LY75: variants seen among roughly 807,000 people sequenced by gnomAD.
LY75 encodes lymphocyte antigen 75, also known as C-type lectin domain family 13 member B.
A neutral mutation model predicts 231.7 loss-of-function variants in LY75; 185 were observed. The observed-to-expected ratio is 0.80, with a 90% CI of 0.71 to 0.90. The LOEUF (loss-of-function observed/expected upper bound fraction) is 0.90, where lower values mean the gene tolerates loss of function less well. Among genes scored for constraint, LY75 ranks in the 40% least tolerant of loss-of-function variants. The pLI is 0.00. For synonymous variants in LY75, 668 were observed against 689.0 expected, an observed-to-expected ratio of 0.97 and a Z score of 0.48; for missense variants, 1,947 against 2,050.2, an observed-to-expected ratio of 0.95 and a Z score of 0.97.
rs749204594 is a variant in LY75 at position 159,850,096 on chromosome 2, T to G, written c.3034A>C (p.Ile1012Leu). The change falls in exon 23 of 35, where the codon ATT becomes CTT. Residue 1012 changes from isoleucine (I) to leucine (L), a missense_variant. Physicochemically the swap from Ile to Leu is conservative, Grantham distance 5 (BLOSUM62 2). Coordinates refer to ENST00000263636, the MANE Select transcript of LY75 (RefSeq NM_002349.4). ...LLPDMEATLW[I>L]GLRWTAYEKI... ...TCATAGGCAGTCCAGCGCAAACCAA[T>G]CCATAAAGTAGCTTCCATATCCGGA... 1 of 1,613,602 alleles carries G rather than the reference T, an allele frequency of 6.2e-7. No homozygotes were observed. The highest frequency in any genetic ancestry group is 1.7e-5 in the Admixed American group (1 of 59,910).
In LY75 at chr2:159,840,854, T is replaced by C. The variant is rs753577948; in HGVS notation, c.3382A>G (p.Lys1128Glu). ...IPKTLTWHSA[K>E]RECLKSNMQL... is the part of the protein sequence containing the mutation. ...ATGTTACTTTTCAGACACTCCCTTT[T>C]AGCACTGTGCCAAGTCAGAGTCTTT... The change falls in exon 25 of 35, where the codon AAA (lysine) becomes GAA (glutamate). Residue 1128 changes from lysine (K) to glutamate (E), a missense_variant. Lys to Glu is a moderately conservative substitution (Grantham distance 56, BLOSUM62 1). Coordinates refer to ENST00000263636, the MANE Select transcript of LY75 (RefSeq NM_002349.4). 6.2e-6 allele frequency: 10 copies of C among 1,613,986 alleles called. No homozygotes were observed. The highest frequency in any genetic ancestry group is 8.5e-6 in the Non-Finnish European group (10 of 1,179,978).
chr2:159,850,794 A>ATATATATATATATATATATATG (rs1560081043), intron 21 of LY75, among the ~76,000 whole-genome samples: 4 of 131,520 alleles, frequency 3.0e-5, no homozygotes, highest in African/African-American at 1.2e-4. Flanking sequence ...ATATATATAT[A>ATATATATATATATATATATATG]TATATTATAT....
At chr2:159,853,502 G>C in intron 19 of LY75, 128 bp downstream of exon 19, 1 of 1,489,148 alleles carries the variant, frequency 6.7e-7, no homozygotes, top group East Asian at 2.4e-5. Context: ...AAAAGGGCTT[G>C]GTTTCTCTAA....
intron 2 of LY75, among the ~76,000 whole-genome samples, chr2:159,897,948 C>T (rs1685949136): frequency 6.6e-6 from 1 of 152,138 alleles, no homozygotes; most frequent in Non-Finnish European, 1.5e-5. Flanking sequence ...TCGGAAGCAA[C>T]TGAAAAACTC....
intron 8 of LY75, among the ~76,000 whole-genome samples, chr2:159,880,483 C>T (rs894275820): frequency 6.6e-6 from 1 of 152,144 alleles, no homozygotes; most frequent in South Asian, 2.1e-4. Flanking sequence ...AAGGTGGGTG[C>T]AGGCCCTGGT....
intron 29 of LY75, 84 bp downstream of exon 29, chr2:159,819,642 A>G: frequency 6.8e-7 from 1 of 1,468,986 alleles, no homozygotes; most frequent in Non-Finnish European, 9.1e-7. Context: ...GAAGCATTTG[A>G]TTGTATGATT....
At chr2:159,846,364 A>C (rs1333144031) in intron 23 of LY75, among the ~76,000 whole-genome samples, 1 of 152,086 alleles carries the variant, frequency 6.6e-6, no homozygotes, top group Non-Finnish European at 1.5e-5. Flanking sequence ...GTCTCTACAA[A>C]AAAATTAGAA....
At position 159,816,757 on chromosome 2, in the gene LY75, C is replaced by T. The variant is rs747270090; in HGVS notation, c.4380+49G>A. 8.7e-6 allele frequency: 14 copies of T among 1,601,482 alleles called. No homozygotes were observed. The East Asian group carries it at 1.8e-4, about 21-fold the overall frequency. On this transcript the variant is annotated intron_variant, in intron 30 of 34. Coordinates refer to ENST00000263636, the MANE Select transcript of LY75 (RefSeq NM_002349.4). ...ATACTTTACGCTCAAATTTCTAACC[C>T]TCAAAATAACACATTTGAAAAGTTT...
intron 21 of LY75, 126 bp downstream of exon 21, chr2:159,852,075 T>G: frequency 7.4e-7 from 1 of 1,351,360 alleles, no homozygotes; most frequent in Non-Finnish European, 9.8e-7. Flanking sequence ...GAGGGCCAGG[T>G]GGGATCCTGA....
In LY75 at chr2:159,875,514, G is replaced by C. The variant is rs1442728551; in HGVS notation, c.1904C>G (p.Ala635Gly). The change falls in exon 12 of 35, where the codon GCA becomes GGA. Residue 635 changes from alanine to glycine, a missense_variant. Coordinates refer to ENST00000263636, the MANE Select transcript of LY75 (RefSeq NM_002349.4). ...KMSGPLGPEEASPKPDDPCPE... is the reference protein window; with the variant it reads ...KMSGPLGPEEGSPKPDDPCPE... ...ACAGGGGTCATCAGGCTTAGGGGAT[G>C]CTTCTTCAGGCCCAAGGGGTCCACT... 6.2e-7 allele frequency: 1 copy of C among 1,613,938 alleles called. No homozygotes were observed. Among genetic ancestry groups the C allele is most frequent in the African/African-American group, 1.3e-5 (1 of 74,880 alleles).
intron 23 of LY75, among the ~76,000 whole-genome samples, chr2:159,848,950 A>T (rs1308166189): frequency 3.3e-5 from 5 of 152,176 alleles, no homozygotes; most frequent in African/African-American, 1.2e-4. Context: ...CTTTTGTTTC[A>T]ATTAATATTA....
At chr2:159,866,198 C>G (rs1228421560) in intron 13 of LY75, among the ~76,000 whole-genome samples, 1 of 151,960 alleles carries the variant, frequency 6.6e-6, no homozygotes, top group South Asian at 2.1e-4. Context: ...GAACATATAG[C>G]TACAAGTCTA....
chr2:159,885,358 G>T (rs868523015), intron 5 of LY75, 65 bp from the exon 6 acceptor site: 1 of 1,541,346 alleles, frequency 6.5e-7, no homozygotes, highest in African/African-American at 1.4e-5. Context: ...GTGTCAGAAA[G>T]AATAATTTGT....
At chr2:159,882,091 A>G in intron 7 of LY75, 33 bp downstream of exon 7, 1 of 1,591,338 alleles carries the variant, frequency 6.3e-7, no homozygotes, top group Middle Eastern at 1.7e-4. Flanking sequence ...AAATGGCTTA[A>G]GCCTCTCAAA....
At chr2:159,860,711 C>G (rs1441491386) in intron 15 of LY75, 110 bp downstream of exon 15, 5 of 1,298,810 alleles carry the variant, frequency 3.8e-6, no homozygotes, top group Non-Finnish European at 4.4e-6. Flanking sequence ...TCTCTCACTG[C>G]ATCTAACATC....
At chr2:159,809,970 A>C (rs961823046) in intron 32 of LY75, among the ~76,000 whole-genome samples, 5 of 149,652 alleles carry the variant, frequency 3.3e-5, no homozygotes, top group Non-Finnish European at 7.4e-5. Context: ...GAGCCACCGC[A>C]CCCAGCCACC....
Position 159,840,892 on chromosome 2 carries a change from T to A in LY75, c.3344A>T (p.Tyr1115Phe). Residue 1115 changes from tyrosine (Y) to phenylalanine (F), a missense_variant, in exon 25 of 35, where the codon TAC becomes TTC. Coordinates refer to ENST00000263636, the MANE Select transcript of LY75 (RefSeq NM_002349.4). ...SETVKYLNNL[Y>F]KIIPKTLTWH... ...AGTCAGAGTCTTTGGGATTATTTTG[T>A]ACAGATTATTTAGATACTTTACAGT... 1 of 1,614,108 alleles carries A rather than the reference T, an allele frequency of 6.2e-7. No homozygotes were observed. Among genetic ancestry groups the A allele is most frequent in the South Asian group, 1.1e-5 (1 of 91,076 alleles).
At chr2:159,836,329 T>C (rs910901655) in intron 25 of LY75, among the ~76,000 whole-genome samples, 2 of 152,186 alleles carry the variant, frequency 1.3e-5, no homozygotes, top group African/African-American at 4.8e-5. Context: ...TCAGGCGCTG[T>C]GGCTCTCACA....
chr2:159,815,156 A>G (rs1440447522), intron 31 of LY75, among the ~76,000 whole-genome samples: 2 of 151,776 alleles, frequency 1.3e-5, no homozygotes, highest in East Asian at 1.9e-4. Flanking sequence ...GCCCGCCACC[A>G]TGCCCAGCTA....
Sources: gnomAD v4.1 joint callset for allele counts (sites outside exome capture counted in the v4.1 genomes callset) on GRCh38, gnomAD v4.1.1 for gene constraint, MANE v1.5 for transcripts, NCBI Gene and HGNC (gene_info 2026-07-23, HGNC 2026-07-21) for gene names.